MTRR: variants seen among roughly 807,000 people sequenced by gnomAD.
MTRR encodes methionine synthase reductase.
Under a neutral mutation model 79.2 loss-of-function variants are expected in MTRR, and 63 were observed. The observed-to-expected ratio is 0.80, with a 90% confidence interval of 0.65 to 0.98. The LOEUF is 0.98. Among genes scored for constraint, MTRR ranks in the 50% least tolerant of loss-of-function variants. The pLI, the probability that MTRR is intolerant of heterozygous loss-of-function variation, is 0.00. For synonymous variants in MTRR, 355 were observed against 313.3 expected (o/e 1.13, Z -1.41); for missense variants, 895 against 839.6 (o/e 1.07, Z -0.82).
intron 10 of MTRR, among the ~76,000 whole-genome samples, chr5:7,892,485 A>G (rs1282860468): frequency 1.3e-5 from 2 of 152,206 alleles, no homozygotes; most frequent in Non-Finnish European, 2.9e-5. Flanking sequence ...TATAAATATC[A>G]TCTAGTCCTA....
intron 8 of MTRR, 115 bp downstream of exon 8, chr5:7,886,818 T>G: frequency 1.2e-6 from 1 of 808,852 alleles, no homozygotes; most frequent in Non-Finnish European, 2.1e-6. Context: ...GTGATCTTGA[T>G]AGCATGTTTT....
intron 8 of MTRR, among the ~76,000 whole-genome samples, 177 bp from the exon 9 acceptor site, chr5:7,888,918 C>T (rs1737069734): frequency 6.6e-6 from 1 of 152,132 alleles, no homozygotes; most frequent in Non-Finnish European, 1.5e-5. Flanking sequence ...ATTTTTCTAA[C>T]AGGTCAACAT....
intron 1 of MTRR, 82 bp downstream of exon 1, chr5:7,869,297 G>A (rs1014283933): frequency 2.7e-5 from 42 of 1,549,416 alleles, no homozygotes; most frequent in Non-Finnish European, 3.6e-5. Context: ...CCCGGGGCGG[G>A]GGTGGGCAGC....
chr5:7,870,216 A>AC, intron 1 of MTRR: 8 of 302,134 alleles, frequency 2.6e-5, no homozygotes, highest in Non-Finnish European at 4.0e-5. Flanking sequence ...GAAGGAGAGT[A>AC]TGTGCTTCAG....
intron 1 of MTRR, chr5:7,869,765 T>C (rs934785018): frequency 5.8e-6 from 1 of 172,426 alleles, no homozygotes; most frequent in Admixed American, 6.4e-5. Context: ...GGTTGATTGA[T>C]CCTGGGAAGC....
chr5:7,887,793 C>CATATATACATAT (rs1491410388), intron 8 of MTRR, among the ~76,000 whole-genome samples: 946 of 91,968 alleles, frequency 0.01, 44 homozygotes, highest in Middle Eastern at 0.023. Context: ...TGTGTGTGTG[C>CATATATACATAT]ATATATATAT....
intron 14 of MTRR, among the ~76,000 whole-genome samples, chr5:7,898,691 G>C (rs537728160): frequency 9.2e-5 from 14 of 152,248 alleles, no homozygotes; most frequent in African/African-American, 3.1e-4. Context: ...CCTGAGAATA[G>C]TGGAGAGGAG....
chr5:7,868,199 GGA>G, upstream of MTRR: 71 of 174,702 alleles, frequency 4.1e-4, no homozygotes, highest in South Asian at 5.9e-4. Flanking sequence ...ACGAGTATCT[GGA>G]AAAAAAAAAA....
At chr5:7,897,903 C>G (rs1338694637) in intron 14 of MTRR, among the ~76,000 whole-genome samples, 2 of 150,652 alleles carry the variant, frequency 1.3e-5, no homozygotes, top group Non-Finnish European at 3.0e-5. Flanking sequence ...TTAACACATT[C>G]TCTAAGTCAG....
intron 11 of MTRR, 152 bp from the exon 12 acceptor site, chr5:7,895,582 C>G: frequency 9.8e-7 from 1 of 1,020,560 alleles, no homozygotes; most frequent in African/African-American, 1.6e-5. Flanking sequence ...GACAAATGTG[C>G]TCATGGTTTC....
At position 7,900,354 on chromosome 5, in the gene MTRR, G is replaced by C; in HGVS notation, c.*296G>C. On this transcript the variant is annotated 3_prime_UTR_variant, in exon 15 of 15. Coordinates refer to ENST00000440940, the MANE Select transcript of MTRR (RefSeq NM_002454.3). ...CTATCAGCGCCTCCTTTACTTCCCA[G>C]AGAACTTCACAGAGACTCTGTCCTT... The C allele has an allele frequency of 2.7e-6, 1 of 367,218 alleles. No individual in the cohort carries two copies. The highest frequency in any genetic ancestry group is 5.0e-6 in the Non-Finnish European group (1 of 198,950). 22.7% of individuals were successfully genotyped at this position (367,218 alleles called of 1,614,324 possible). A position where few individuals can be genotyped will look rare whatever the true frequency, so the allele number is the denominator to read the frequency against.
chr5:7,898,362 G>A (rs71604190), intron 14 of MTRR, among the ~76,000 whole-genome samples: 1,693 of 152,262 alleles, frequency 0.011, 19 homozygotes, highest in Middle Eastern at 0.024. Context: ...TGAGAACTTG[G>A]AGAATATCTT....
Position 7,886,599 on chromosome 5 carries a change from G to A in MTRR, c.1058-16G>A, listed in dbSNP as rs201644712. On this transcript the variant is annotated splice_polypyrimidine_tract_variant and intron_variant, in intron 7 of 14. Coordinates refer to ENST00000440940, the MANE Select transcript of MTRR (RefSeq NM_002454.3). ...CTTCTATGTCATGAACCCCTTTCCC[G>A]TCTTTACCTGAAAAGGAGCTACCTT... 1.2e-4 allele frequency: 189 copies of A among 1,589,774 alleles called. 1 individual carries two copies. The African/African-American group carries it at 1.9e-3, about 16-fold the overall frequency.
chr5:7,870,947 T>C, intron 2 of MTRR, 24 bp downstream of exon 2: 2 of 1,614,116 alleles, frequency 1.2e-6, no homozygotes, highest in Non-Finnish European at 1.7e-6. Flanking sequence ...CAGTGGATTT[T>C]ACCGTTTTGT....
intron 1 of MTRR, among the ~76,000 whole-genome samples, chr5:7,851,832 C>G (rs550347521): frequency 6.6e-6 from 1 of 152,124 alleles, no homozygotes; most frequent in African/African-American, 2.4e-5. Flanking sequence ...ATGTGTTAAG[C>G]TGTATACTCG....
chr5:7,885,252 GAGTAA>G (rs1330537820), intron 6 of MTRR: 1 of 187,552 alleles, frequency 5.3e-6, no homozygotes, highest in Non-Finnish European at 1.1e-5. Flanking sequence ...TAAAGGAAAA[GAGTAA>G]AGTAAGGAGA....
rs919772858 is a variant in MTRR at position 7,878,009 on chromosome 5, C to G, written c.467C>G (p.Ser156Ter). ...CCAGCCCTCAGAAAGCATTTTAGGT[C>G]AAGCAGAGGACAAGAGGAGATAAGT... ...LWPALRKHFR[S>*]SRGQEEISGA... Residue 156 changes from serine (S) to a stop codon, truncating the protein, a stop_gained, in exon 5 of 15, where the codon TCA (serine) becomes TGA (stop). Transcript: ENST00000440940. LOFTEE classifies it high-confidence loss of function. 6.2e-7 allele frequency: 1 copy of G among 1,613,544 alleles called. No individual in the cohort carries two copies. Among genetic ancestry groups the G allele is most frequent in the Non-Finnish European group, 8.5e-7 (1 of 1,179,974 alleles).
chr5:7,896,959 A>G lies in MTRR; in HGVS notation c.1769+3A>G, dbSNP rs1738628954. On this transcript the variant is annotated splice_donor_region_variant and intron_variant, in intron 13 of 14. Coordinates refer to ENST00000440940, the MANE Select transcript of MTRR (RefSeq NM_002454.3). ...AAGGATAGGGATTATCTATTCAGGTATTGTACAATTCCAGTATTGTACTCA... is the reference window on the plus strand; with the variant it reads ...AAGGATAGGGATTATCTATTCAGGTGTTGTACAATTCCAGTATTGTACTCA... 6.2e-7 allele frequency: 1 copy of G among 1,613,702 alleles called. No individual in the cohort carries two copies. The highest frequency in any genetic ancestry group is 1.3e-5 in the African/African-American group (1 of 75,020).
chr5:7,874,697 T>A lies in MTRR; in HGVS notation c.284-561T>A, dbSNP rs116797355. Among the ~76,000 whole-genome samples the A allele has an allele frequency of 6.1e-3, 929 of 151,622 alleles. 7 individuals are homozygous for A. Among genetic ancestry groups the A allele is most frequent in the Admixed American group, 8.7e-3 (132 of 15,178 alleles). On this transcript the variant is annotated intron_variant, in intron 3 of 14. Coordinates refer to ENST00000440940, the MANE Select transcript of MTRR (RefSeq NM_002454.3). ...ATTGTGGTTATTTATATGGCTGGTG[T>A]ACCTTTCTTTCTATATCAGGAGTCA...
Sources: allele counts gnomAD v4.1 joint callset (sites outside exome capture counted in the v4.1 genomes callset), GRCh38; gene constraint gnomAD v4.1.1; transcripts MANE v1.5; gene names NCBI Gene and HGNC (gene_info 2026-07-23, HGNC 2026-07-21).